The following LRIG1 variants were observed in gnomAD, a reference collection of about 807,000 sequenced individuals.
LRIG1 encodes the protein leucine-rich repeats and immunoglobulin-like domains protein 1.
LRIG1 carries 48 observed loss-of-function variants against 99.2 expected under a neutral mutation model. The ratio of observed to expected loss-of-function variants is 0.48; its 90% CI spans 0.38 to 0.62. LRIG1 has a LOEUF of 0.62. Among genes scored for constraint, LRIG1 ranks in the 20% least tolerant of loss-of-function variants. The pLI, the probability that LRIG1 is intolerant of heterozygous loss-of-function variation, is 0.00. For missense variants in LRIG1, 1,646 were observed against 1,434.4 expected, an observed-to-expected ratio of 1.15 and a Z score of -2.38; for synonymous variants, 772 against 596.1, an observed-to-expected ratio of 1.29 and a Z score of -4.30.
chr3:66,489,525 ATGTG>A (rs56128311), intron 1 of LRIG1, among the ~76,000 whole-genome samples: 4,768 of 150,342 alleles, frequency 0.032, 85 homozygotes, highest in Middle Eastern at 0.085. Context: ...CTTTGTGTGT[ATGTG>A]TGTGTGTGTG....
intron 8 of LRIG1, 77 bp downstream of exon 8, chr3:66,407,271 C>A: frequency 1.3e-6 from 2 of 1,519,484 alleles, no homozygotes; most frequent in South Asian, 1.1e-5. Flanking sequence ...AAATGGAGTT[C>A]AACAAAGCAG....
Position 66,380,665 on chromosome 3 carries a change from G to A in LRIG1, c.2967C>T (p.Pro989=), listed in dbSNP as rs202191007. 132 of 1,614,052 alleles carry A rather than the reference G, an allele frequency of 8.2e-5. No individual in the cohort carries two copies. Among genetic ancestry groups the A allele is most frequent in the Middle Eastern group, 1.6e-4 (1 of 6,084 alleles). The part of the protein sequence containing the change: ...QCSRTAAGSC[P]ECQGSLYPSN... ...TGGGGTAGAGCGACCCTTGGCACTCGGGGCAGGACCCAGCGGCAGTCCTGC... is the reference window on the plus strand; with the variant it reads ...TGGGGTAGAGCGACCCTTGGCACTCAGGGCAGGACCCAGCGGCAGTCCTGC... The change falls in exon 18 of 19, where the codon CCC becomes CCT. Residue 989 remains proline (P), a synonymous_variant. Coordinates refer to ENST00000273261, the MANE Select transcript of LRIG1 (RefSeq NM_015541.3).
intron 1 of LRIG1, among the ~76,000 whole-genome samples, chr3:66,483,453 G>C (rs1396160104): frequency 1.3e-5 from 2 of 152,250 alleles, no homozygotes; most frequent in South Asian, 4.1e-4. Context: ...GGTCCACAGA[G>C]GGCAGGGTAA....
chr3:66,424,872 A>T (rs1702928559), intron 3 of LRIG1, among the ~76,000 whole-genome samples: 1 of 152,244 alleles, frequency 6.6e-6, no homozygotes, highest in Admixed American at 6.5e-5. Flanking sequence ...AAACTTTATT[A>T]TAAAATGGGC....
At chr3:66,424,948 C>T (rs1702931023) in intron 3 of LRIG1, among the ~76,000 whole-genome samples, 1 of 152,150 alleles carries the variant, frequency 6.6e-6, no homozygotes, top group Non-Finnish European at 1.5e-5. Flanking sequence ...TTAAGGTAGA[C>T]TAGGCTAGGT....
intron 3 of LRIG1, among the ~76,000 whole-genome samples, chr3:66,431,290 C>G (rs749807949): frequency 2.0e-5 from 3 of 152,196 alleles, no homozygotes; most frequent in Non-Finnish European, 4.4e-5. Flanking sequence ...TGGATTCAAC[C>G]AGACTCCAGG....
At chr3:66,397,133 G>A (rs963416459) in intron 11 of LRIG1, among the ~76,000 whole-genome samples, 2 of 152,220 alleles carry the variant, frequency 1.3e-5, no homozygotes, top group African/African-American at 4.8e-5. Flanking sequence ...GCAGGCCTGA[G>A]GCTCACAGCA....
At chr3:66,443,068 G>A (rs1459994576) in intron 3 of LRIG1, among the ~76,000 whole-genome samples, 6 of 152,190 alleles carry the variant, frequency 3.9e-5, no homozygotes, top group Non-Finnish European at 7.3e-5. Context: ...TTTTCCCAGC[G>A]AAAGGCTTGC....
intron 3 of LRIG1, among the ~76,000 whole-genome samples, chr3:66,436,690 C>A (rs916021518): frequency 8.5e-5 from 13 of 152,064 alleles, no homozygotes; most frequent in African/African-American, 2.9e-4. Flanking sequence ...GGAATATATG[C>A]CTGTGGTAGC....
intron 6 of LRIG1, among the ~76,000 whole-genome samples, chr3:66,411,985 A>G (rs2106676014): frequency 6.6e-6 from 1 of 152,278 alleles, no homozygotes; most frequent in African/African-American, 2.4e-5. Context: ...TTTCTTTACT[A>G]TCTGATTTTA....
At chr3:66,415,104 G>C (rs768586355) in intron 4 of LRIG1, 41 bp from the exon 5 acceptor site, 3 of 1,558,954 alleles carry the variant, frequency 1.9e-6, no homozygotes, top group Non-Finnish European at 2.6e-6. Context: ...GTTGGTCAAA[G>C]GCCTTCCTCA....
chr3:66,389,657 A>G (rs1379112267), intron 12 of LRIG1, among the ~76,000 whole-genome samples: 1 of 152,178 alleles, frequency 6.6e-6, no homozygotes, highest in Non-Finnish European at 1.5e-5. Flanking sequence ...TACCTAATGG[A>G]GCGCCACAAA....
rs548638830 is a variant in LRIG1, at chr3:66,500,929, G to C, written c.-522C>G. On this transcript the variant is annotated 5_prime_UTR_variant, in exon 1 of 19. Transcript: ENST00000273261. ...TCGCTGTCCCCACGCCGCGGCCAGA[G>C]AGCGCGCGCGCGCGCGCAGCCTCGG... is the stretch of plus-strand genomic sequence containing the variant. 2 of 151,546 alleles carry C rather than the reference G, an allele frequency of 1.3e-5. No individual in the cohort carries two copies. Among genetic ancestry groups the C allele is most frequent in the Non-Finnish European group, 2.9e-5 (2 of 67,976 alleles). The allele number at this position is 151,546 out of a possible 1,614,324, so 9.4% of individuals were successfully genotyped here.
At position 66,385,972 on chromosome 3, in the gene LRIG1, T is replaced by G. The variant is rs767036618; in HGVS notation, c.1789+9A>C. Reference sequence around the variant, plus strand: ...TTCTGGTACTATAACAAAGATGGTGTTTCCATACCATTCACGGTGAGCCTG... The same window carrying G: ...TTCTGGTACTATAACAAAGATGGTGGTTCCATACCATTCACGGTGAGCCTG... On this transcript the variant is annotated intron_variant, in intron 13 of 18. Coordinates refer to ENST00000273261, the MANE Select transcript of LRIG1 (RefSeq NM_015541.3). 1 of 1,610,358 alleles carries G rather than the reference T, an allele frequency of 6.2e-7. No homozygotes were observed. Among genetic ancestry groups the G allele is most frequent in the Admixed American group, 1.7e-5 (1 of 59,908 alleles).
intron 3 of LRIG1, among the ~76,000 whole-genome samples, chr3:66,420,396 A>C (rs567815879): frequency 6.6e-6 from 1 of 152,340 alleles, no homozygotes; most frequent in East Asian, 1.9e-4. Context: ...CTGCAGAAGA[A>C]GACATTATGG....
rs772760175 is a variant in LRIG1, at chr3:66,386,057, G to A, written c.1713C>T (p.His571=). The part of the protein sequence containing the change: ...ILHLRQVTFG[H]EGRYQCVITN... Reference sequence around the variant, plus strand: ...TGATGACACATTGGTAGCGGCCCTCGTGCCCGAAAGTGACCTGACGGAGGT... The same window carrying A: ...TGATGACACATTGGTAGCGGCCCTCATGCCCGAAAGTGACCTGACGGAGGT... The change falls in exon 13 of 19, where the codon CAC becomes CAT. Residue 571 remains histidine, a synonymous_variant. Coordinates refer to ENST00000273261, the MANE Select transcript of LRIG1 (RefSeq NM_015541.3). 38 of 1,614,068 alleles carry A rather than the reference G, an allele frequency of 2.4e-5. No homozygotes were observed. The highest frequency in any genetic ancestry group is 2.2e-4 in the East Asian group (10 of 44,886).
chr3:66,441,796 C>T (rs1005790755), intron 3 of LRIG1, among the ~76,000 whole-genome samples: 1 of 152,206 alleles, frequency 6.6e-6, no homozygotes, highest in Admixed American at 6.5e-5. Flanking sequence ...TCCAAGTGTA[C>T]AGTGAGCATA....
intron 3 of LRIG1, among the ~76,000 whole-genome samples, chr3:66,450,739 A>G (rs1703878409): frequency 6.6e-6 from 1 of 152,236 alleles, no homozygotes; most frequent in Non-Finnish European, 1.5e-5. Context: ...AAATCAAAAT[A>G]AAATTAAACT....
At chr3:66,482,567 T>C (rs1700875110) in intron 1 of LRIG1, among the ~76,000 whole-genome samples, 1 of 152,188 alleles carries the variant, frequency 6.6e-6, no homozygotes, top group Admixed American at 6.5e-5. Flanking sequence ...CAAGTTCACA[T>C]GTAAGTTGGC....
Sources: allele counts gnomAD v4.1 joint callset (sites outside exome capture counted in the v4.1 genomes callset), GRCh38; gene constraint gnomAD v4.1.1; transcripts MANE v1.5; gene names NCBI Gene and HGNC (gene_info 2026-07-23, HGNC 2026-07-21).